Variants in COXFA4 observed in about 807,000 individuals in gnomAD.
COXFA4 encodes the protein cytochrome c oxidase subunit FA4.
the COXFA4 span, chr7:10,933,697 G>T: frequency 3.3e-5 from 53 of 1,603,394 alleles, no homozygotes; most frequent in South Asian, 6.6e-5. Flanking sequence ...GTAGAACTTG[G>T]AACAGAAAAA....
the COXFA4 span, among the ~76,000 whole-genome samples, chr7:10,936,689 A>T: frequency 6.6e-6 from 1 of 152,150 alleles, no homozygotes; most frequent in South Asian, 2.1e-4. Context: ...TTAGAAGCCA[A>T]ATTATAATCA....
At chr7:10,933,105 G>A in the COXFA4 span, 1 of 155,700 alleles carries the variant, frequency 6.4e-6, no homozygotes, top group Non-Finnish European at 1.4e-5. Context: ...TAGGACCAAA[G>A]CAACTTATAA....
At chr7:10,933,409 T>C in the COXFA4 span, 1 of 506,482 alleles carries the variant, frequency 2.0e-6, no homozygotes, top group Non-Finnish European at 3.5e-6. Flanking sequence ...TAATTTCCTA[T>C]ACTCTAAAGT....
At chr7:10,938,450 TTTGA>T in the COXFA4 span, 1 of 436,722 alleles carries the variant, frequency 2.3e-6, no homozygotes, top group African/African-American at 2.0e-5. Context: ...GAATCAATCT[TTTGA>T]TTGTCTATTG....
chr7:10,932,304 T>C, the COXFA4 span: 1 of 152,202 alleles, frequency 6.6e-6, no homozygotes, highest in Non-Finnish European at 1.5e-5. Flanking sequence ...GTTCAAATTA[T>C]ACCTGACACA....
the COXFA4 span, among the ~76,000 whole-genome samples, chr7:10,937,572 C>T: frequency 1.2e-4 from 18 of 152,208 alleles, no homozygotes; most frequent in African/African-American, 3.9e-4. Flanking sequence ...CATAAGCCAC[C>T]GTGCCTGGCC....
At chr7:10,938,532 T>C in the COXFA4 span, 5 of 432,898 alleles carry the variant, frequency 1.2e-5, no homozygotes, top group East Asian at 2.0e-4. Context: ...ATGATTATTT[T>C]ATAAAAACAA....
chr7:10,934,728 T>G, the COXFA4 span, among the ~76,000 whole-genome samples: 4 of 152,236 alleles, frequency 2.6e-5, no homozygotes, highest in African/African-American at 9.6e-5. Flanking sequence ...TCTTAAGTAT[T>G]TTACTGACAA....
the COXFA4 span, chr7:10,939,981 A>C: frequency 2.5e-6 from 4 of 1,612,974 alleles, no homozygotes; most frequent in Non-Finnish European, 3.4e-6. Flanking sequence ...CAAGAAGGAC[A>C]AGGGAAAACA....
the COXFA4 span, chr7:10,939,767 A>AG: frequency 1.7e-6 from 1 of 574,090 alleles, no homozygotes; most frequent in African/African-American, 1.9e-5. Flanking sequence ...TTCACTAACT[A>AG]GAAAAAACTA....
the COXFA4 span, among the ~76,000 whole-genome samples, chr7:10,937,310 T>A: frequency 6.6e-6 from 1 of 151,158 alleles, no homozygotes; most frequent in African/African-American, 2.4e-5. Flanking sequence ...TTAGACAGAG[T>A]CTGGTTCTGT....
At chr7:10,935,110 A>C in the COXFA4 span, among the ~76,000 whole-genome samples, 2 of 152,242 alleles carry the variant, frequency 1.3e-5, no homozygotes, top group African/African-American at 4.8e-5. Flanking sequence ...GGTAATTGAG[A>C]TCAAGTTCTA....
At chr7:10,940,145 C>T in the COXFA4 span, 3 of 1,356,732 alleles carry the variant, frequency 2.2e-6, no homozygotes, top group Non-Finnish European at 3.1e-6. Flanking sequence ...TGAGACACTA[C>T]GGACTTCCAA....
the COXFA4 span, chr7:10,939,908 A>T: frequency 1.6e-6 from 2 of 1,274,884 alleles, no homozygotes; most frequent in Non-Finnish European, 2.3e-6. Flanking sequence ...GTCTGGTCTG[A>T]CGGACGGTAA....
At chr7:10,937,223 T>A in the COXFA4 span, among the ~76,000 whole-genome samples, 1 of 151,236 alleles carries the variant, frequency 6.6e-6, no homozygotes, top group African/African-American at 2.5e-5. Context: ...TTATAAACTT[T>A]AAACACGTCA....
chr7:10,934,360 C>A, the COXFA4 span, among the ~76,000 whole-genome samples: 5 of 139,236 alleles, frequency 3.6e-5, no homozygotes, highest in South Asian at 2.4e-4. Context: ...AGAAATAAAT[C>A]TTACTGTGAT....
the COXFA4 span, chr7:10,939,171 T>C: frequency 2.9e-6 from 1 of 344,160 alleles, no homozygotes; most frequent in Non-Finnish European, 5.5e-6. Context: ...CATTTTTAAA[T>C]TTCCAAGAAA....
the COXFA4 span, among the ~76,000 whole-genome samples, chr7:10,936,410 A>G: frequency 6.6e-6 from 1 of 152,230 alleles, no homozygotes; most frequent in Non-Finnish European, 1.5e-5. Flanking sequence ...ACATACCCAT[A>G]GATTCCAATA....
At chr7:10,938,098 G>A in the COXFA4 span, 2 of 1,612,676 alleles carry the variant, frequency 1.2e-6, no homozygotes, top group Non-Finnish European at 8.5e-7. Context: ...ACCTTGTATT[G>A]ATCATTGGGA....
Sources: gnomAD v4.1 joint callset for allele counts (sites outside exome capture counted in the v4.1 genomes callset) on GRCh38, gnomAD v4.1.1 for gene constraint, MANE v1.5 for transcripts, NCBI Gene and HGNC (gene_info 2026-07-23, HGNC 2026-07-21) for gene names.